MAGEH1: variants seen among roughly 807,000 people sequenced by gnomAD.
The protein encoded by MAGEH1 is MAGE family member H1, also known as melanoma-associated antigen H1.
For synonymous variants in MAGEH1, 79 were observed against 70.3 expected, an observed-to-expected ratio of 1.12 and a Z score of -0.62; for missense variants, 152 against 183.0, an observed-to-expected ratio of 0.83 and a Z score of 0.98.
At position 55,452,513 on chromosome X, in the gene MAGEH1, G is replaced by A. The variant is rs1387004060; in HGVS notation, c.139G>A (p.Asp47Asn). The change falls in exon 1 of 1, where the codon GAC becomes AAC. Residue 47 changes from aspartate (D) to asparagine (N), a missense_variant. Asp to Asn is a conservative substitution (Grantham distance 23). Transcript: ENST00000342972. ...ASVVASTPED[D>N]LSGPEEDPST... is the part of the protein sequence containing the mutation. ...TGTGGTAGCGAGCACCCCCGAAGAC[G>A]ACCTGAGCGGCCCCGAGGAAGACCC... The A allele has an allele frequency of 1.7e-6, 2 of 1,209,434 alleles. No homozygotes were observed. Among genetic ancestry groups the A allele is most frequent in the Non-Finnish European group, 2.2e-6 (2 of 894,766 alleles).
Position 55,453,325 on chromosome X carries a change from T to C in MAGEH1, c.*291T>C. 3.5e-6 allele frequency: 1 copy of C among 282,793 alleles called. No individual in the cohort carries two copies. Among genetic ancestry groups the C allele is most frequent in the Non-Finnish European group, 6.5e-6 (1 of 154,943 alleles). The allele number at this position is 282,793 out of a possible 1,213,427, so 23.3% of individuals were successfully genotyped here. On this transcript the variant is annotated 3_prime_UTR_variant, in exon 1 of 1. Transcript: ENST00000342972. ...TCATTGACATTTAGTATAACAGTTTTGCTAACGTTCTAAAATGAAGTCGTT... is the reference window on the plus strand; with the variant it reads ...TCATTGACATTTAGTATAACAGTTTCGCTAACGTTCTAAAATGAAGTCGTT...
In MAGEH1 at chrX:55,452,584, C is replaced by T. The variant is rs775400677; in HGVS notation, c.210C>T (p.Ser70=). The T allele has an allele frequency of 8.3e-7, 1 of 1,210,858 alleles. No individual in the cohort carries two copies. Among genetic ancestry groups the T allele is most frequent in the Non-Finnish European group, 1.1e-6 (1 of 895,168 alleles). Residue 70 remains serine (S), a synonymous_variant, in exon 1 of 1, where the codon AGC becomes AGT. Coordinates refer to ENST00000342972, the MANE Select transcript of MAGEH1 (RefSeq NM_014061.5). ...CTACCACCCCTGAAGAAGCCTCGAGCACTGCCCAAGCACAAAAGCCTTCAG... is the reference window on the plus strand; with the variant it reads ...CTACCACCCCTGAAGAAGCCTCGAGTACTGCCCAAGCACAAAAGCCTTCAG... The part of the protein sequence containing the change: ...EASTTPEEAS[S]TAQAQKPSVP...
Position 55,453,267 on chromosome X carries a change from T to G in MAGEH1, c.*233T>G, listed in dbSNP as rs1377377451. 1 of 365,927 alleles carries G rather than the reference T, an allele frequency of 2.7e-6. No homozygotes were observed. Among genetic ancestry groups the G allele is most frequent in the African/African-American group, 2.6e-5 (1 of 38,432 alleles). The allele number at this position is 365,927 out of a possible 1,213,427, so 30.2% of individuals were successfully genotyped here. ...TTGAGAATAACAATATGTTTAAAAA[T>G]ATAATTGAACAAATTTTTTTCTTTG... On this transcript the variant is annotated 3_prime_UTR_variant, in exon 1 of 1. Transcript: ENST00000342972.
In MAGEH1 at chrX:55,453,053, C is replaced by A; in HGVS notation, c.*19C>A. 8.4e-7 allele frequency: 1 copy of A among 1,191,306 alleles called. No individual in the cohort carries two copies. Among genetic ancestry groups the A allele is most frequent in the Non-Finnish European group, 1.1e-6 (1 of 882,768 alleles). On this transcript the variant is annotated 3_prime_UTR_variant, in exon 1 of 1. Transcript: ENST00000342972. ...CCCTTAAGTAGATCTGAGGCAGACCCTTGGGGGTGTAAAAGAGAGTCACAG... is the reference window on the plus strand; with the variant it reads ...CCCTTAAGTAGATCTGAGGCAGACCATTGGGGGTGTAAAAGAGAGTCACAG...
Position 55,453,331 on chromosome X carries a change from C to T in MAGEH1, c.*297C>T. ...ACATTTAGTATAACAGTTTTGCTAA[C>T]GTTCTAAAATGAAGTCGTTCCATCA... On this transcript the variant is annotated 3_prime_UTR_variant, in exon 1 of 1. Coordinates refer to ENST00000342972, the MANE Select transcript of MAGEH1 (RefSeq NM_014061.5). 3.7e-6 allele frequency: 1 copy of T among 268,812 alleles called. No homozygotes were observed. Among genetic ancestry groups the T allele is most frequent in the Non-Finnish European group, 6.8e-6 (1 of 146,448 alleles). 22.2% of individuals were successfully genotyped at this position (268,812 alleles called of 1,213,427 possible).
rs2031188082 is a variant in MAGEH1 at position 55,452,370 on chromosome X, G to C, written c.-5G>C. 3 of 1,150,149 alleles carry C rather than the reference G, an allele frequency of 2.6e-6. No homozygotes were observed. Among genetic ancestry groups the C allele is most frequent in the Non-Finnish European group, 3.5e-6 (3 of 868,199 alleles). 94.8% of individuals were successfully genotyped at this position (1,150,149 alleles called of 1,213,427 possible). A position where few individuals can be genotyped will look rare whatever the true frequency, so the allele number is the denominator to read the frequency against. On this transcript the variant is annotated 5_prime_UTR_variant, in exon 1 of 1. Transcript: ENST00000342972. ...GCTGTAAGCTTTGAGCCTCTAGCAG[G>C]AGACATGCCTCGGGGACGAAAGAGT...
At position 55,452,619 on chromosome X, in the gene MAGEH1, G is replaced by T. The variant is rs768535750; in HGVS notation, c.245G>T (p.Ser82Ile). The change falls in exon 1 of 1, where the codon AGC (serine) becomes ATC (isoleucine). Residue 82 changes from serine (S) to isoleucine (I), a missense_variant. Coordinates refer to ENST00000342972, the MANE Select transcript of MAGEH1 (RefSeq NM_014061.5). Reference protein sequence around the residue: ...AQAQKPSVPRSNFQGTKKSLL... With the variant: ...AQAQKPSVPRINFQGTKKSLL... The stretch of plus-strand genomic sequence containing the variant: ...GCACAAAAGCCTTCAGTGCCCCGGA[G>T]CAATTTTCAGGGCACCAAGAAAAGT... 1.7e-6 allele frequency: 2 copies of T among 1,209,437 alleles called. No individual in the cohort carries two copies. Among genetic ancestry groups the T allele is most frequent in the South Asian group, 3.5e-5 (2 of 56,709 alleles).
rs747082818 is a variant in MAGEH1, at chrX:55,453,029, C to G, written c.655C>G (p.Pro219Ala). 4 of 1,206,090 alleles carry G rather than the reference C, an allele frequency of 3.3e-6. No homozygotes were observed. Among genetic ancestry groups the G allele is most frequent in the South Asian group, 3.6e-5 (2 of 56,220 alleles). ...LNSGARGYSA[P>A] ...TTCAGGTGCTAGGGGTTATTCCGCC[C>G]CTTAAGTAGATCTGAGGCAGACCCT... The change falls in exon 1 of 1, where the codon CCT (proline) becomes GCT (alanine). Residue 219 changes from proline (P) to alanine (A), a missense_variant. Transcript: ENST00000342972.
chrX:55,453,160 G>T lies in MAGEH1; in HGVS notation c.*126G>T. On this transcript the variant is annotated 3_prime_UTR_variant, in exon 1 of 1. Transcript: ENST00000342972. ...GGGGGACACTGTATTTGATATTTGT[G>T]ATCAGTGATCATTGTTCAACTGCGA... 7.3e-6 allele frequency: 4 copies of T among 550,130 alleles called. No homozygotes were observed. The highest frequency in any genetic ancestry group is 8.5e-6 in the Non-Finnish European group (3 of 352,699). 45.3% of individuals were successfully genotyped at this position (550,130 alleles called of 1,213,427 possible). A position where few individuals can be genotyped will look rare whatever the true frequency, so the allele number is the denominator to read the frequency against.
Position 55,452,396 on chromosome X carries a change from C to T in MAGEH1, c.22C>T (p.Arg8Trp). The T allele has an allele frequency of 3.5e-6, 4 of 1,156,896 alleles. No homozygotes were observed. The highest frequency in any genetic ancestry group is 4.6e-6 in the Non-Finnish European group (4 of 871,613). The change falls in exon 1 of 1, where the codon CGG becomes TGG. Residue 8 changes from arginine (R) to tryptophan (W), a missense_variant. Physicochemically the swap from Arg to Trp is moderately radical, Grantham distance 101 (BLOSUM62 -3). Coordinates refer to ENST00000342972, the MANE Select transcript of MAGEH1 (RefSeq NM_014061.5). ...AGACATGCCTCGGGGACGAAAGAGT[C>T]GGCGCCGCCGTAATGCGAGAGCCGC... MPRGRKS[R>W]RRRNARAAEE... is the part of the protein sequence containing the mutation.
chrX:55,452,671 C>G lies in MAGEH1; in HGVS notation c.297C>G (p.Ile99Met). Residue 99 changes from isoleucine to methionine, a missense_variant, in exon 1 of 1, where the codon ATC becomes ATG. Coordinates refer to ENST00000342972, the MANE Select transcript of MAGEH1 (RefSeq NM_014061.5). ...TCCTGATGTCTATATTAGCGCTCAT[C>G]TTCATCATGGGCAACAGCGCCAAGG... The part of the protein sequence containing the change: ...KSLLMSILAL[I>M]FIMGNSAKEA... The G allele has an allele frequency of 8.3e-7, 1 of 1,211,841 alleles. No homozygotes were observed. The highest frequency in any genetic ancestry group is 1.1e-6 in the Non-Finnish European group (1 of 895,553).
chrX:55,452,559 C>G lies in MAGEH1; in HGVS notation c.185C>G (p.Ser62Cys). 8.3e-7 allele frequency: 1 copy of G among 1,209,287 alleles called. No homozygotes were observed. Among genetic ancestry groups the G allele is most frequent in the South Asian group, 1.8e-5 (1 of 56,508 alleles). The change falls in exon 1 of 1, where the codon TCT becomes TGT. Residue 62 changes from serine (S) to cysteine (C), a missense_variant. By Grantham distance (112) the Ser-to-Cys change is moderately radical. Coordinates refer to ENST00000342972, the MANE Select transcript of MAGEH1 (RefSeq NM_014061.5). ...EEDPSTPEEA[S>C]TTPEEASSTA... ...GACCCGAGCACTCCAGAGGAGGCCT[C>G]TACCACCCCTGAAGAAGCCTCGAGC...
chrX:55,452,251 ACT>A lies in MAGEH1; in HGVS notation c.-121_-120del. 3 of 548,429 alleles carry A rather than the reference ACT, an allele frequency of 5.5e-6. No individual in the cohort carries two copies. Among genetic ancestry groups the A allele is most frequent in the Non-Finnish European group, 8.1e-6 (3 of 372,336 alleles). 45.2% of individuals were successfully genotyped at this position (548,429 alleles called of 1,213,427 possible). ...GAACGGCTTGTTTATTGCTACAAAGACTCTATTGACATTGGTAGCTTCAGCGG... is the reference window on the plus strand; with the variant it reads ...GAACGGCTTGTTTATTGCTACAAAGACTATTGACATTGGTAGCTTCAGCGG... On this transcript the variant is annotated 5_prime_UTR_variant, in exon 1 of 1. Coordinates refer to ENST00000342972, the MANE Select transcript of MAGEH1 (RefSeq NM_014061.5).
Position 55,452,947 on chromosome X carries a change from G to C in MAGEH1, c.573G>C (p.Trp191Cys), listed in dbSNP as rs761123012. The C allele has an allele frequency of 6.6e-6, 8 of 1,209,485 alleles. No individual in the cohort carries two copies. The highest frequency in any genetic ancestry group is 8.9e-6 in the Non-Finnish European group (8 of 895,044). The change falls in exon 1 of 1, where the codon TGG becomes TGC. Residue 191 changes from tryptophan (W) to cysteine (C), a missense_variant. Transcript: ENST00000342972. ...ARVRNRCSKDWPCNYDWDSDD... is the reference protein window; with the variant it reads ...ARVRNRCSKDCPCNYDWDSDD... ...TTCGTAACCGATGCTCTAAAGACTG[G>C]CCTTGTAATTATGACTGGGATTCGG...
Position 55,452,203 on chromosome X carries a change from T to C in MAGEH1, c.-172T>C. The C allele has an allele frequency of 5.2e-6, 2 of 384,323 alleles. No homozygotes were observed. The highest frequency in any genetic ancestry group is 8.3e-6 in the Non-Finnish European group (2 of 240,952). The allele number at this position is 384,323 out of a possible 1,213,427, so 31.7% of individuals were successfully genotyped here. ...GGCTGCTCGCGCAAGTCAGCTGGCGTGGGAACTACCCTTTGTAGCTGAGAA... is the reference window on the plus strand; with the variant it reads ...GGCTGCTCGCGCAAGTCAGCTGGCGCGGGAACTACCCTTTGTAGCTGAGAA... On this transcript the variant is annotated 5_prime_UTR_variant, in exon 1 of 1. Coordinates refer to ENST00000342972, the MANE Select transcript of MAGEH1 (RefSeq NM_014061.5).
Position 55,453,017 on chromosome X carries a change from G to A in MAGEH1, c.643G>A (p.Gly215Ser), listed in dbSNP as rs1475442537. Residue 215 changes from glycine (G) to serine (S), a missense_variant, in exon 1 of 1, where the codon GGT becomes AGT. Physicochemically the swap from Gly to Ser is moderately conservative, Grantham distance 56 (BLOSUM62 0). Transcript: ENST00000342972. ...GGCTATCCTCAATTCAGGTGCTAGGGGTTATTCCGCCCCTTAAGTAGATCT... is the reference window on the plus strand; with the variant it reads ...GGCTATCCTCAATTCAGGTGCTAGGAGTTATTCCGCCCCTTAAGTAGATCT... ...VEAILNSGAR[G>S]YSAP The A allele has an allele frequency of 8.3e-7, 1 of 1,210,471 alleles. No individual in the cohort carries two copies. The highest frequency in any genetic ancestry group is 1.8e-5 in the South Asian group (1 of 56,789).
At position 55,452,162 on chromosome X, in the gene MAGEH1, G is replaced by T. The variant is rs375259256; in HGVS notation, c.-213G>T. ...AGCTTTCTCGCGGGCTTGCAGCTGC[G>T]GCAAGTGCTGGCGGCGGCTGCTCGC... On this transcript the variant is annotated 5_prime_UTR_variant, in exon 1 of 1. Coordinates refer to ENST00000342972, the MANE Select transcript of MAGEH1 (RefSeq NM_014061.5). 1.2e-5 allele frequency: 4 copies of T among 321,784 alleles called. No homozygotes were observed. Among genetic ancestry groups the T allele is most frequent in the Middle Eastern group, 8.3e-4 (1 of 1,211 alleles). The allele number at this position is 321,784 out of a possible 1,213,427, so 26.5% of individuals were successfully genotyped here.
chrX:55,453,564 G>A lies in MAGEH1; in HGVS notation c.*530G>A, dbSNP rs760463776. The A allele has an allele frequency of 4.5e-4, 54 of 120,150 alleles. No homozygotes were observed. The highest frequency in any genetic ancestry group is 8.8e-4 in the Non-Finnish European group (48 of 54,309). The allele number at this position is 120,150 out of a possible 1,213,427, so 9.9% of individuals were successfully genotyped here. A position where few individuals can be genotyped will look rare whatever the true frequency, so the allele number is the denominator to read the frequency against. On this transcript the variant is annotated 3_prime_UTR_variant, in exon 1 of 1. Transcript: ENST00000342972. Reference sequence around the variant, plus strand: ...GAGAAAAATAAAAGCCTAACGAATAGTACATCTTGCGCATTTTCTGACCAC... The same window carrying A: ...GAGAAAAATAAAAGCCTAACGAATAATACATCTTGCGCATTTTCTGACCAC...
Position 55,453,132 on chromosome X carries a change from G to A in MAGEH1, c.*98G>A, listed in dbSNP as rs2031204493. The A allele has an allele frequency of 1.4e-6, 1 of 729,843 alleles. No individual in the cohort carries two copies. 60.1% of individuals were successfully genotyped at this position (729,843 alleles called of 1,213,427 possible). On this transcript the variant is annotated 3_prime_UTR_variant, in exon 1 of 1. Coordinates refer to ENST00000342972, the MANE Select transcript of MAGEH1 (RefSeq NM_014061.5). ...TAAGTTGAAAATGATGTCGATTGGG[G>A]GCGGGGGACACTGTATTTGATATTT...
Sources: gnomAD v4.1 joint callset for allele counts on GRCh38, gnomAD v4.1.1 for gene constraint, MANE v1.5 for transcripts, NCBI Gene and HGNC (gene_info 2026-07-23, HGNC 2026-07-21) for gene names.